TMC1: variants seen among roughly 807,000 people sequenced by gnomAD.
TMC1 encodes the protein transmembrane channel-like protein 1.
A neutral mutation model predicts 105.8 loss-of-function variants in TMC1; 84 were observed. The ratio of observed to expected loss-of-function variants is 0.79; its 90% confidence interval spans 0.67 to 0.95. The LOEUF is 0.95. Among genes scored for constraint, TMC1 ranks in the 40% least tolerant of loss-of-function variants. The pLI, the probability that TMC1 is intolerant of heterozygous loss-of-function variation, is 0.00. For missense variants in TMC1, 817 were observed against 914.1 expected (o/e 0.89, Z 1.37); for synonymous variants, 315 against 311.5 (o/e 1.01, Z -0.12).
At chr9:72,604,286 G>C (rs187822452) in intron 2 of TMC1, among the ~76,000 whole-genome samples, 123 of 152,158 alleles carry the variant, frequency 8.1e-4, no homozygotes, top group African/African-American at 2.9e-3. Flanking sequence ...TAAAAATCTT[G>C]AATATAACTG....
intron 1 of TMC1, among the ~76,000 whole-genome samples, chr9:72,530,413 T>G (rs1445063053): frequency 6.6e-6 from 1 of 151,994 alleles, no homozygotes; most frequent in African/African-American, 2.4e-5. Flanking sequence ...TGACCTCAAG[T>G]GATCCACCTG....
intron 13 of TMC1, among the ~76,000 whole-genome samples, chr9:72,778,945 G>A (rs1455432188): frequency 6.6e-6 from 1 of 152,206 alleles, no homozygotes; most frequent in Non-Finnish European, 1.5e-5. Context: ...CCAACACGCA[G>A]GTATGCATGG....
chr9:72,710,598 C>T (rs1346169733), intron 8 of TMC1, among the ~76,000 whole-genome samples: 1 of 151,742 alleles, frequency 6.6e-6, no homozygotes, highest in Non-Finnish European at 1.5e-5. Context: ...ATTTAGTGTC[C>T]CTCTTTGTAT....
intron 8 of TMC1, among the ~76,000 whole-genome samples, chr9:72,703,254 G>A (rs1267670916): frequency 6.6e-6 from 1 of 152,032 alleles, no homozygotes; most frequent in Non-Finnish European, 1.5e-5. Context: ...AGTCTACCAC[G>A]TACCTGGGAC....
chr9:72,828,414 G>T (rs922770420), intron 21 of TMC1, among the ~76,000 whole-genome samples: 1 of 146,768 alleles, frequency 6.8e-6, no homozygotes, highest in African/African-American at 2.5e-5. Flanking sequence ...ATGAGGTGTT[G>T]TTTAAAACAC....
intron 5 of TMC1, among the ~76,000 whole-genome samples, chr9:72,665,492 C>T (rs1169121701): frequency 1.3e-5 from 2 of 152,186 alleles, no homozygotes; most frequent in African/African-American, 4.8e-5. Flanking sequence ...TAGGTTGCTA[C>T]AGAAAGTGGT....
At chr9:72,800,339 G>A (rs2118222626) in intron 17 of TMC1, among the ~76,000 whole-genome samples, 1 of 152,258 alleles carries the variant, frequency 6.6e-6, no homozygotes, top group South Asian at 2.1e-4. Flanking sequence ...AGGAATTTGA[G>A]ACGTTCTCTT....
intron 5 of TMC1, among the ~76,000 whole-genome samples, chr9:72,677,000 A>G (rs760366128): frequency 6.6e-6 from 1 of 151,938 alleles, no homozygotes; most frequent in African/African-American, 2.4e-5. Flanking sequence ...TTTTGCCTGT[A>G]TTTCTCTGGT....
At chr9:72,604,709 T>G (rs779656065) in intron 2 of TMC1, among the ~76,000 whole-genome samples, 2 of 152,206 alleles carry the variant, frequency 1.3e-5, no homozygotes, top group East Asian at 3.9e-4. Context: ...GTTGGGTGAA[T>G]TCAGAAATAA....
intron 3 of TMC1, among the ~76,000 whole-genome samples, chr9:72,618,123 G>A (rs1038651950): frequency 1.3e-5 from 2 of 150,314 alleles, no homozygotes; most frequent in African/African-American, 4.9e-5. Context: ...CTGCCTCCGG[G>A]GTTCAAGTGA....
Position 72,546,644 on chromosome 9 carries a change from C to A in TMC1, c.-428+24731C>A, listed in dbSNP as rs539829334. Among the ~76,000 whole-genome samples the A allele has an allele frequency of 2.6e-5, 4 of 152,278 alleles. No homozygotes were observed. The South Asian group carries it at 6.2e-4, about 24-fold the overall frequency. On this transcript the variant is annotated intron_variant, in intron 1 of 23. Coordinates refer to ENST00000297784, the MANE Select transcript of TMC1 (RefSeq NM_138691.3). ...TGATCTTCAAGAAAAAATTTTAAAA[C>A]CTGCACACAAAATTTTAAAGACTGA...
chr9:72,692,392 G>T (rs1826480347), intron 6 of TMC1, among the ~76,000 whole-genome samples: 1 of 152,148 alleles, frequency 6.6e-6, no homozygotes, highest in African/African-American at 2.4e-5. Flanking sequence ...CAGCTACCTA[G>T]CTGATTTTGT....
At chr9:72,582,916 T>G (rs1192228825) in intron 2 of TMC1, among the ~76,000 whole-genome samples, 4 of 152,120 alleles carry the variant, frequency 2.6e-5, no homozygotes, top group African/African-American at 9.7e-5. Context: ...ATGTTTTCAT[T>G]GTCATTACAA....
chr9:72,806,332 G>A (rs1439959507), intron 18 of TMC1, among the ~76,000 whole-genome samples: 3 of 148,132 alleles, frequency 2.0e-5, no homozygotes, highest in Non-Finnish European at 4.5e-5. Flanking sequence ...TGGACGGGGC[G>A]GCTGGCCGGG....
rs374102672 is a variant in TMC1 at position 72,799,148 on chromosome 9, G to A, written c.1567-6234G>A. ...AATTTATATTTTGAAAAGCTTTTAT[G>A]ATTTCATTTAGTTAGAATTGATATT... On this transcript the variant is annotated intron_variant, in intron 17 of 23. Coordinates refer to ENST00000297784, the MANE Select transcript of TMC1 (RefSeq NM_138691.3). Among the ~76,000 whole-genome samples, 4 of 152,044 alleles carry A rather than the reference G, an allele frequency of 2.6e-5. No individual in the cohort carries two copies. The East Asian group carries it at 5.8e-4, about 22-fold the overall frequency.
intron 2 of TMC1, among the ~76,000 whole-genome samples, chr9:72,608,355 G>T (rs532288150): frequency 6.6e-6 from 1 of 152,320 alleles, no homozygotes; most frequent in East Asian, 1.9e-4. Context: ...AAAAAGAAAT[G>T]AATTTCATTC....
At chr9:72,831,270 T>G (rs1300550186) in intron 23 of TMC1, among the ~76,000 whole-genome samples, 1 of 152,210 alleles carries the variant, frequency 6.6e-6, no homozygotes, top group Non-Finnish European at 1.5e-5. Context: ...TTTCCAACTT[T>G]GTCCTTACTC....
At position 72,805,408 on chromosome 9, in the gene TMC1, T is replaced by C; in HGVS notation, c.1593T>C (p.Asp531=). The stretch of plus-strand genomic sequence containing the variant: ...AGTTTGTGAGGCTGACAGTCTCTGA[T>C]GTTCTGACCACCTACGTCACAATCC... ...GQEFVRLTVS[D]VLTTYVTILI... is the part of the protein sequence containing the mutation. The change falls in exon 18 of 24, where the codon GAT becomes GAC. Residue 531 remains aspartate, a synonymous_variant. Transcript: ENST00000297784. 7 of 1,614,054 alleles carry C rather than the reference T, an allele frequency of 4.3e-6. No individual in the cohort carries two copies. The highest frequency in any genetic ancestry group is 5.9e-6 in the Non-Finnish European group (7 of 1,179,938).
intron 23 of TMC1, 56 bp downstream of exon 23, chr9:72,830,738 C>CTTTTTTTTTTTTTTTTTTTTTTTTTTTT: frequency 8.7e-7 from 1 of 1,146,926 alleles, no homozygotes; most frequent in Non-Finnish European, 1.2e-6. Flanking sequence ...CTTTTTCTTT[C>CTTTTTTTTTTTTTTTTTTTTTTTTTTTT]TTTTTTTTTT....
Sources: allele counts gnomAD v4.1 joint callset (sites outside exome capture counted in the v4.1 genomes callset), GRCh38; gene constraint gnomAD v4.1.1; transcripts MANE v1.5; gene names NCBI Gene and HGNC (gene_info 2026-07-23, HGNC 2026-07-21).